The following HYDIN variants were observed in gnomAD, a reference collection of about 807,000 sequenced individuals.
HYDIN encodes the protein axonemal central pair apparatus protein HYDIN.
HYDIN carries 132 observed loss-of-function variants against 403.9 expected under a neutral mutation model. The observed-to-expected ratio is 0.33, with a 90% CI of 0.28 to 0.38. The LOEUF is 0.38. HYDIN is among the 10% of genes least tolerant of loss of function. HYDIN has a pLI of 1.00. For synonymous variants in HYDIN, 1,202 were observed against 1,891.7 expected (o/e 0.64, Z 9.46); for missense variants, 2,827 against 5,009.5 (o/e 0.56, Z 13.15).
intron 41 of HYDIN, among the ~76,000 whole-genome samples, chr16:70,950,126 T>C (rs1433378719): frequency 6.8e-6 from 1 of 147,524 alleles, no homozygotes; most frequent in Non-Finnish European, 1.5e-5. Context: ...AGTTCAGCCC[T>C]GTGGGCTGTT....
chr16:71,130,467 C>T (rs2084659757), intron 8 of HYDIN, among the ~76,000 whole-genome samples: 2 of 143,424 alleles, frequency 1.4e-5, no homozygotes, highest in South Asian at 4.4e-4. Flanking sequence ...TCCATATATA[C>T]CGGTTTTTTT....
intron 18 of HYDIN, among the ~76,000 whole-genome samples, chr16:71,055,208 G>C (rs374171597): frequency 1.3e-5 from 2 of 152,304 alleles, no homozygotes; most frequent in Non-Finnish European, 2.9e-5. Context: ...GAAGGAATCT[G>C]AAAGTCAGAC....
At chr16:70,955,695 A>G in intron 39 of HYDIN, 147 bp from the exon 40 acceptor site, 2 of 554,912 alleles carry the variant, frequency 3.6e-6, no homozygotes, top group Non-Finnish European at 6.4e-6. Context: ...GTTAGCAGCA[A>G]AGAGAAGGAA....
chr16:71,177,458 G>A (rs1876982254), intron 4 of HYDIN, among the ~76,000 whole-genome samples: 1 of 152,022 alleles, frequency 6.6e-6, no homozygotes, highest in African/African-American at 2.4e-5. Flanking sequence ...TTTCATTTCT[G>A]ACCCATGAGC....
intron 3 of HYDIN, among the ~76,000 whole-genome samples, chr16:71,183,919 A>G (rs1181851707): frequency 6.6e-6 from 1 of 152,154 alleles, no homozygotes; most frequent in African/African-American, 2.4e-5. Context: ...GTACACATGA[A>G]AAACTCCTCA....
intron 10 of HYDIN, among the ~76,000 whole-genome samples, chr16:71,110,398 ATATT>A (rs1291856060): frequency 7.1e-6 from 1 of 140,436 alleles, no homozygotes; most frequent in Admixed American, 7.3e-5. Flanking sequence ...TTTTATATAT[ATATT>A]TATATATAAT....
intron 78 of HYDIN, among the ~76,000 whole-genome samples, chr16:70,835,023 T>C (rs111425508): frequency 1.4e-3 from 198 of 145,492 alleles, no homozygotes; most frequent in African/African-American, 4.8e-3. Context: ...CACATATATA[T>C]ATGTTTTTTT....
intron 45 of HYDIN, among the ~76,000 whole-genome samples, chr16:70,922,467 C>G (rs577455921): frequency 6.6e-6 from 1 of 152,304 alleles, no homozygotes; most frequent in Non-Finnish European, 1.5e-5. Context: ...ACTATTCAAA[C>G]ACACGTGGAA....
intron 9 of HYDIN, among the ~76,000 whole-genome samples, chr16:71,125,409 G>C (rs908208584): frequency 2.0e-5 from 3 of 152,122 alleles, no homozygotes; most frequent in African/African-American, 7.2e-5. Flanking sequence ...TCATTCATTC[G>C]TTTATTAGCA....
rs1360241569 is a variant in HYDIN, at chr16:70,943,818, C to T, written c.6663G>A (p.Arg2221=). Residue 2221 remains arginine, a synonymous_variant, in exon 42 of 86, where the codon CGG becomes CGA. Transcript: ENST00000393567. ...GCAGGTGGCATGGACCCACCTGTAT[C>T]CGCTCTGCCAGGATCTGCACGAGAA... ...DELLVQILAE[R]IQLSDCYRGV... 4 of 1,612,148 alleles carry T rather than the reference C, an allele frequency of 2.5e-6. No individual in the cohort carries two copies. The highest frequency in any genetic ancestry group is 3.4e-6 in the Non-Finnish European group (4 of 1,179,990).
intron 13 of HYDIN, among the ~76,000 whole-genome samples, chr16:71,074,704 C>CA (rs2082572159): frequency 1.2e-5 from 1 of 85,792 alleles, no homozygotes; most frequent in Admixed American, 1.3e-4. Flanking sequence ...AAACAAAAAA[C>CA]ACCAAAAAAA....
chr16:70,841,163 T>C (rs1364627226), intron 75 of HYDIN, among the ~76,000 whole-genome samples: 2 of 152,152 alleles, frequency 1.3e-5, no homozygotes, highest in African/African-American at 4.8e-5. Context: ...TTCTTTCAAC[T>C]TTTAAGTTCA....
chr16:71,039,950 G>A (rs1042872239), intron 18 of HYDIN, among the ~76,000 whole-genome samples: 4 of 152,214 alleles, frequency 2.6e-5, no homozygotes, highest in African/African-American at 9.6e-5. Flanking sequence ...TCCACAGACG[G>A]CAGAGCTGAA....
At chr16:70,990,566 T>C (rs1597482987) in intron 25 of HYDIN, among the ~76,000 whole-genome samples, 2 of 151,874 alleles carry the variant, frequency 1.3e-5, no homozygotes, top group Admixed American at 1.3e-4. Flanking sequence ...CAAATTAGTA[T>C]GTAGAGAACT....
chr16:71,067,315 C>A lies in HYDIN; in HGVS notation c.2050G>T (p.Val684Leu). Residue 684 changes from valine (V) to leucine (L), a missense_variant, in exon 15 of 86, where the codon GTG (valine) becomes TTG (leucine). Coordinates refer to ENST00000393567, the MANE Select transcript of HYDIN (RefSeq NM_001270974.2). ...VVDVEGIGEE[V>L]LALLITARCV... is the part of the protein sequence containing the mutation. Reference sequence around the variant, plus strand: ...CTTGCTGTAATTAAGAGCGCCAGCACCTCTTCTCCGATGCCCTCCACGTCC... The same window carrying A: ...CTTGCTGTAATTAAGAGCGCCAGCAACTCTTCTCCGATGCCCTCCACGTCC... 1 of 1,612,726 alleles carries A rather than the reference C, an allele frequency of 6.2e-7. No individual in the cohort carries two copies. The highest frequency in any genetic ancestry group is 8.5e-7 in the Non-Finnish European group (1 of 1,179,154).
chr16:71,024,410 T>C (rs2080613638), intron 21 of HYDIN, among the ~76,000 whole-genome samples: 1 of 151,940 alleles, frequency 6.6e-6, no homozygotes, highest in African/African-American at 2.4e-5. Flanking sequence ...AAGAAAGTCA[T>C]TCATGACCAC....
chr16:71,161,607 C>T (rs1482679537), intron 6 of HYDIN, among the ~76,000 whole-genome samples: 2 of 152,230 alleles, frequency 1.3e-5, no homozygotes, highest in Non-Finnish European at 2.9e-5. Context: ...CCTCTCACAG[C>T]TCACCACGCT....
chr16:71,106,415 C>T (rs930925623), intron 10 of HYDIN, among the ~76,000 whole-genome samples: 4 of 152,042 alleles, frequency 2.6e-5, no homozygotes, highest in Non-Finnish European at 5.9e-5. Flanking sequence ...ACCTTGTATC[C>T]GCTTCTATAA....
intron 84 of HYDIN, among the ~76,000 whole-genome samples, chr16:70,813,711 T>G (rs889562724): frequency 6.6e-6 from 1 of 151,880 alleles, no homozygotes; most frequent in African/African-American, 2.4e-5. Flanking sequence ...TCTTTTCTTT[T>G]TATTTTTTAT....
Sources: gnomAD v4.1 joint callset for allele counts (sites outside exome capture counted in the v4.1 genomes callset) on GRCh38, gnomAD v4.1.1 for gene constraint, MANE v1.5 for transcripts, NCBI Gene and HGNC (gene_info 2026-07-23, HGNC 2026-07-21) for gene names.